The following PRKG2 variants were observed in gnomAD, a reference collection of about 807,000 sequenced individuals.
The protein encoded by PRKG2 is protein kinase cGMP-dependent 2.
PRKG2 carries 33 observed loss-of-function variants against 97.2 expected under a neutral mutation model. The ratio of observed to expected loss-of-function variants is 0.34; its 90% CI spans 0.26 to 0.45. The LOEUF is 0.45. Ranked by LOEUF, PRKG2 falls within the 20% of genes least tolerant of loss-of-function variation. The pLI is 1.00. For missense variants in PRKG2, 638 were observed against 900.0 expected (o/e 0.71, Z 3.73); for synonymous variants, 330 against 321.8 (o/e 1.03, Z -0.27).
intron 3 of PRKG2, among the ~76,000 whole-genome samples, chr4:81,173,516 A>T (rs1483338821): frequency 1.3e-5 from 2 of 152,134 alleles, no homozygotes; most frequent in Non-Finnish European, 2.9e-5. Context: ...TAAAATGGCT[A>T]AGAGAAAAGT....
intron 7 of PRKG2, 198 bp downstream of exon 7, chr4:81,153,446 G>A: frequency 2.0e-6 from 1 of 491,278 alleles, no homozygotes. Flanking sequence ...TCACTAAGAA[G>A]TTATTATTTC....
At chr4:81,140,399 T>A in intron 12 of PRKG2, 134 bp downstream of exon 12, 1 of 732,016 alleles carries the variant, frequency 1.4e-6, no homozygotes, top group East Asian at 3.2e-5. Flanking sequence ...ATCAAAACAT[T>A]TCATGTACCC....
chr4:81,217,361 G>A (rs1463167476), upstream of PRKG2, among the ~76,000 whole-genome samples: 2 of 152,106 alleles, frequency 1.3e-5, no homozygotes, highest in African/African-American at 2.4e-5. Flanking sequence ...GAAAGCTGTC[G>A]ATGCAGTGCA....
chr4:81,205,125 C>A (rs577311933), intron 1 of PRKG2, 65 bp from the exon 2 acceptor site: 2 of 967,362 alleles, frequency 2.1e-6, no homozygotes, highest in African/African-American at 3.3e-5. Flanking sequence ...CCCACCATTC[C>A]TCTCATTCCT....
chr4:81,201,525 C>A (rs773859887), intron 2 of PRKG2, among the ~76,000 whole-genome samples: 2 of 152,184 alleles, frequency 1.3e-5, no homozygotes, highest in East Asian at 3.8e-4. Flanking sequence ...AATTAAGTTA[C>A]ACCTTCAGAC....
At chr4:81,125,142 C>T (rs1745430946) in intron 14 of PRKG2, among the ~76,000 whole-genome samples, 1 of 152,036 alleles carries the variant, frequency 6.6e-6, no homozygotes, top group Non-Finnish European at 1.5e-5. Context: ...GCTATTTAAC[C>T]TTTATGCTAC....
In PRKG2 at chr4:81,204,771, G is replaced by C; in HGVS notation, c.277C>G (p.Pro93Ala). Residue 93 changes from proline to alanine, a missense_variant, in exon 2 of 19, where the codon CCG (proline) becomes GCG (alanine). Coordinates refer to ENST00000264399, the MANE Select transcript of PRKG2 (RefSeq NM_006259.3). Reference protein sequence around the residue: ...QDVVHMQGGSPLQASPDKVPL... With the variant: ...QDVVHMQGGSALQASPDKVPL... ...ACTTTATCTGGAGAGGCCTGAAGCG[G>C]GCTTCCTCCCTGCATATGCACCACA... 1 of 1,614,144 alleles carries C rather than the reference G, an allele frequency of 6.2e-7. No individual in the cohort carries two copies.
At chr4:81,206,876 G>A (rs997142564) in intron 1 of PRKG2, among the ~76,000 whole-genome samples, 1 of 152,128 alleles carries the variant, frequency 6.6e-6, no homozygotes, top group Non-Finnish European at 1.5e-5. Context: ...AATGGATGGT[G>A]CAAAAAACAA....
At chr4:81,092,644 C>T (rs946945551) in intron 17 of PRKG2, among the ~76,000 whole-genome samples, 192 bp from the exon 18 acceptor site, 7 of 152,182 alleles carry the variant, frequency 4.6e-5, no homozygotes, top group Non-Finnish European at 1.0e-4. Flanking sequence ...AACCAAGACC[C>T]CTCCATCAGC....
At chr4:81,105,715 A>C in intron 16 of PRKG2, 98 bp downstream of exon 16, 1 of 1,502,920 alleles carries the variant, frequency 6.7e-7, no homozygotes, top group Non-Finnish European at 8.9e-7. Context: ...AAAACAGCAC[A>C]AAAAGTAAAT....
chr4:81,137,493 A>G lies in PRKG2; in HGVS notation c.1545-11T>C, dbSNP rs2868140. On this transcript the variant is annotated splice_polypyrimidine_tract_variant and intron_variant, in intron 12 of 18. Transcript: ENST00000264399. ...AAAGTACGATATAATCTGTGAAGAC[A>G]GATAAAAACATGGTTATTATTGGAA... 36,511 of 1,584,902 alleles carry G rather than the reference A, an allele frequency of 0.023. 562 individuals carry two copies. Among genetic ancestry groups the G allele is most frequent in the Middle Eastern group, 0.057 (341 of 6,002 alleles).
At position 81,089,665 on chromosome 4, in the gene PRKG2, G is replaced by A; in HGVS notation, c.*43C>T. The A allele has an allele frequency of 1.5e-6, 2 of 1,358,630 alleles. No individual in the cohort carries two copies. The highest frequency in any genetic ancestry group is 1.0e-6 in the Non-Finnish European group (1 of 957,502). 84.2% of individuals were successfully genotyped at this position (1,358,630 alleles called of 1,614,324 possible). ...ATGTGTTGGATTATTGATCCTTGAGGTCCTCTTCTGTAGAGTACAGGCAGT... is the reference window on the plus strand; with the variant it reads ...ATGTGTTGGATTATTGATCCTTGAGATCCTCTTCTGTAGAGTACAGGCAGT... On this transcript the variant is annotated 3_prime_UTR_variant, in exon 19 of 19. Transcript: ENST00000264399.
At chr4:81,101,112 T>C (rs555900933) in intron 17 of PRKG2, among the ~76,000 whole-genome samples, 4,023 of 151,818 alleles carry the variant, frequency 0.026, 201 homozygotes, top group African/African-American at 0.092. Flanking sequence ...TTTTACACTG[T>C]TGGTGGGACT....
At chr4:81,191,668 T>C (rs1752530637) in intron 2 of PRKG2, among the ~76,000 whole-genome samples, 1 of 152,152 alleles carries the variant, frequency 6.6e-6, no homozygotes, top group African/African-American at 2.4e-5. Context: ...TCCTGATTTA[T>C]GACAACAGTT....
At chr4:81,153,458 T>C (rs2110060393) in intron 7 of PRKG2, 186 bp downstream of exon 7, 1 of 512,796 alleles carries the variant, frequency 2.0e-6, no homozygotes, top group East Asian at 3.2e-5. Context: ...TATTATTTCT[T>C]AGGGGGTCCT....
chr4:81,146,703 A>T (rs998749370), intron 9 of PRKG2, among the ~76,000 whole-genome samples: 1 of 152,176 alleles, frequency 6.6e-6, no homozygotes, highest in African/African-American at 2.4e-5. Flanking sequence ...CACTGCAACC[A>T]CAGTGAACAA....
chr4:81,171,337 A>G (rs1750457733), intron 4 of PRKG2, among the ~76,000 whole-genome samples: 2 of 152,160 alleles, frequency 1.3e-5, no homozygotes. Flanking sequence ...TGCAAAGGAC[A>G]TAATCTTGTT....
At chr4:81,215,615 AACAGGCGCACGTACCCTGG>A (rs1754242578), upstream of PRKG2, among the ~76,000 whole-genome samples, 7 of 151,784 alleles carry the variant, frequency 4.6e-5, 1 homozygote, top group South Asian at 1.5e-3. Flanking sequence ...CCAGAGCTCA[AACAGGCGCACGTACCCTGG>A]ACATGCCCTC....
At chr4:81,126,156 C>T (rs541877915) in intron 14 of PRKG2, among the ~76,000 whole-genome samples, 3 of 152,184 alleles carry the variant, frequency 2.0e-5, no homozygotes, top group Non-Finnish European at 4.4e-5. Flanking sequence ...TGTTAATTTG[C>T]TGAGAATGAC....
Sources: gnomAD v4.1 joint callset for allele counts (sites outside exome capture counted in the v4.1 genomes callset) on GRCh38, gnomAD v4.1.1 for gene constraint, MANE v1.5 for transcripts, NCBI Gene and HGNC (gene_info 2026-07-23, HGNC 2026-07-21) for gene names.